Variants in PRH1 observed in about 807,000 individuals in gnomAD.
PRH1 encodes the protein salivary acidic proline-rich phosphoprotein 1/2.
PRH1 carries 7 observed loss-of-function variants against 7.9 expected under a neutral mutation model. The observed-to-expected ratio is 0.89, with a 90% CI of 0.50 to 1.67. The LOEUF is 1.67. Ranked by LOEUF, PRH1 falls within the 40% of genes most tolerant of loss-of-function variation. The pLI, the probability that PRH1 is intolerant of heterozygous loss-of-function variation, is 0.00. For missense variants in PRH1, 109 were observed against 223.6 expected (o/e 0.49, Z 3.27); for synonymous variants, 45 against 80.8 (o/e 0.56, Z 2.38).
intron 2 of PRH1, among the ~76,000 whole-genome samples, chr12:10,964,006 C>T (rs985724313): frequency 2.0e-5 from 3 of 152,062 alleles, no homozygotes; most frequent in Non-Finnish European, 2.9e-5. Flanking sequence ...ATGGTACATA[C>T]GTATGGTACA....
intron 1 of PRH1, chr12:11,121,205 TAGAA>T (rs10560163): frequency 0.45 from 69,013 of 151,862 alleles, 16,445 homozygotes; most frequent in Non-Finnish European, 0.52. Flanking sequence ...AAAATAAAAA[TAGAA>T]AGAGATGCCT....
At chr12:11,115,005 AC>A (rs1945691852) in intron 1 of PRH1, among the ~76,000 whole-genome samples, 1 of 152,176 alleles carries the variant, frequency 6.6e-6, no homozygotes, top group Non-Finnish European at 1.5e-5. Context: ...CCACAACATA[AC>A]CAGAAAACAA....
At position 11,144,404 on chromosome 12, in the gene PRH1, C is replaced by T. The variant is rs1048643426; in HGVS notation, n.40-23224G>A. On this transcript the variant is annotated intron_variant and non_coding_transcript_variant, in intron 1 of 1. Coordinates refer to the PRH1 transcript ENST00000541175. ...ACAGTCACAGGTCTCACCCAGCAACCATGCAAACTGAAGGGCTGGTCTCAC... is the reference window on the plus strand; with the variant it reads ...ACAGTCACAGGTCTCACCCAGCAACTATGCAAACTGAAGGGCTGGTCTCAC... Among the ~76,000 whole-genome samples the T allele has an allele frequency of 8.5e-5, 13 of 152,208 alleles. No homozygotes were observed. The South Asian group carries it at 2.7e-3, about 32-fold the overall frequency.
chr12:10,997,260 G>T (rs757500165), intron 1 of PRH1: 3 of 1,614,102 alleles, frequency 1.9e-6, no homozygotes. Flanking sequence ...ATCTTCTTCA[G>T]ATGTTTACAC....
At chr12:11,078,272 A>C in intron 1 of PRH1, 2 of 321,538 alleles carry the variant, frequency 6.2e-6, no homozygotes, top group Non-Finnish European at 6.2e-6. Flanking sequence ...AAAAAATTGC[A>C]GTCTTAATAA....
intron 1 of PRH1, among the ~76,000 whole-genome samples, chr12:10,976,623 G>T (rs1939109388): frequency 7.6e-6 from 1 of 131,766 alleles, no homozygotes; most frequent in Non-Finnish European, 1.7e-5. Context: ...AAAGATCAGT[G>T]GGCTGAGGAG....
chr12:11,150,105 C>G (rs1437069864), intron 1 of PRH1, among the ~76,000 whole-genome samples: 7 of 151,162 alleles, frequency 4.6e-5, no homozygotes, highest in Non-Finnish European at 7.4e-5. Flanking sequence ...AAATGCAAAT[C>G]AAAACCACAG....
At chr12:10,954,899 T>C (rs1011500604) in intron 2 of PRH1, among the ~76,000 whole-genome samples, 2 of 152,218 alleles carry the variant, frequency 1.3e-5, no homozygotes, top group Non-Finnish European at 2.9e-5. Context: ...TAAATGTATA[T>C]GCACCTGACA....
chr12:11,031,051 G>C, intron 1 of PRH1: 1 of 1,614,302 alleles, frequency 6.2e-7, no homozygotes, highest in Non-Finnish European at 8.5e-7. Context: ...CAAGCCAGTT[G>C]CTGAAATGGC....
At chr12:11,131,721 A>C (rs1431588919) in intron 1 of PRH1, among the ~76,000 whole-genome samples, 1 of 152,390 alleles carries the variant, frequency 6.6e-6, no homozygotes, top group East Asian at 1.9e-4. Context: ...TATTTCCCCT[A>C]AAATTGTGGA....
intron 2 of PRH1, among the ~76,000 whole-genome samples, chr12:10,904,821 T>C (rs368640944): frequency 2.0e-5 from 3 of 151,794 alleles, no homozygotes; most frequent in African/African-American, 2.4e-5. Flanking sequence ...ATGGAAACAA[T>C]TGAACAAGCA....
chr12:11,062,131 CTGGAG>C (rs1312758358), intron 1 of PRH1: 2 of 1,613,544 alleles, frequency 1.2e-6, no homozygotes, highest in Non-Finnish European at 1.7e-6. Context: ...TAAACCAACT[CTGGAG>C]ACTGCCAGAG....
chr12:11,009,495 C>A (rs1383256831), intron 1 of PRH1, among the ~76,000 whole-genome samples: 4 of 151,926 alleles, frequency 2.6e-5, no homozygotes, highest in Non-Finnish European at 5.9e-5. Context: ...CATCTCTAAT[C>A]CTCCAGAACT....
intron 1 of PRH1, chr12:11,133,574 T>G: frequency 2.5e-6 from 4 of 1,614,254 alleles, no homozygotes; most frequent in Non-Finnish European, 2.5e-6. Flanking sequence ...AGCTTTTATG[T>G]GGACCTTGGT....
intron 1 of PRH1, among the ~76,000 whole-genome samples, chr12:11,040,756 A>G (rs1942673318): frequency 6.6e-6 from 1 of 152,204 alleles, no homozygotes; most frequent in Non-Finnish European, 1.5e-5. Flanking sequence ...ACAGTACAAT[A>G]AGATATTAAT....
intron 1 of PRH1, among the ~76,000 whole-genome samples, chr12:11,035,213 A>G (rs2136110097): frequency 6.6e-6 from 1 of 151,490 alleles, no homozygotes; most frequent in African/African-American, 2.4e-5. Context: ...GATATACTTT[A>G]TCACTTTTGG....
At chr12:10,964,951 C>CT in intron 2 of PRH1, 1 of 627,858 alleles carries the variant, frequency 1.6e-6, no homozygotes, top group East Asian at 4.1e-5. Flanking sequence ...ACAAAGACCC[C>CT]AATAGTATCA....
At chr12:11,156,844 ATTTTT>A (rs141685387) in intron 1 of PRH1, among the ~76,000 whole-genome samples, 25 of 139,136 alleles carry the variant, frequency 1.8e-4, no homozygotes, top group Non-Finnish European at 1.7e-4. Flanking sequence ...GAAAACACCA[ATTTTT>A]TTTTTTTTTT....
At chr12:11,100,426 T>C (rs1945200972) in intron 1 of PRH1, among the ~76,000 whole-genome samples, 1 of 152,200 alleles carries the variant, frequency 6.6e-6, no homozygotes, top group African/African-American at 2.4e-5. Context: ...TAGTAGCTTG[T>C]CTGTTGTGGG....
Sources: allele counts gnomAD v4.1 joint callset (sites outside exome capture counted in the v4.1 genomes callset), GRCh38; gene constraint gnomAD v4.1.1; transcripts MANE v1.5; gene names NCBI Gene and HGNC (gene_info 2026-07-23, HGNC 2026-07-21).